The following ATXN10 variants were observed in gnomAD, a reference collection of about 807,000 sequenced individuals.
ATXN10 encodes the protein ataxin 10.
Under a neutral mutation model 52.9 loss-of-function variants are expected in ATXN10, and 28 were observed. The ratio of observed to expected loss-of-function variants is 0.53; its 90% CI spans 0.39 to 0.73. ATXN10 has a LOEUF of 0.73. Ranked by LOEUF, ATXN10 falls within the 30% of genes least tolerant of loss-of-function variation. The pLI, the probability that ATXN10 is intolerant of heterozygous loss-of-function variation, is 0.00. For missense variants in ATXN10, 565 were observed against 577.0 expected, an observed-to-expected ratio of 0.98 and a Z score of 0.21; for synonymous variants, 226 against 221.5, an observed-to-expected ratio of 1.02 and a Z score of -0.18.
chr22:45,692,592 A>G (rs6007138), intron 2 of ATXN10, among the ~76,000 whole-genome samples: 3,168 of 152,324 alleles, frequency 0.021, 104 homozygotes, highest in African/African-American at 0.072. Flanking sequence ...CAACTAGTAC[A>G]TATTTTTCTG....
chr22:45,761,204 T>C (rs1280080239), intron 9 of ATXN10, among the ~76,000 whole-genome samples: 1 of 152,178 alleles, frequency 6.6e-6, no homozygotes, highest in Non-Finnish European at 1.5e-5. Flanking sequence ...CACTGCAACC[T>C]CCACCTCCCA....
At chr22:45,804,349 G>A (rs1176856791) in intron 9 of ATXN10, among the ~76,000 whole-genome samples, 1 of 152,210 alleles carries the variant, frequency 6.6e-6, no homozygotes, top group East Asian at 1.9e-4. Context: ...TATGCCAGGT[G>A]TCTACTAAAT....
chr22:45,774,916 GGTGACAGA>G lies in ATXN10; in HGVS notation c.1174-32038_1174-32031del, dbSNP rs1432222694. The stretch of plus-strand genomic sequence containing the variant: ...GATCACGCCAGTGCACGCCAGCCTG[GGTGACAGA>G]GTGAGACTCTGTCTCAAAACAAACA... On this transcript the variant is annotated intron_variant, in intron 9 of 11. Coordinates refer to ENST00000252934, the MANE Select transcript of ATXN10 (RefSeq NM_013236.4). The surrounding 1 kb of genome is among the most constrained non-coding windows in gnomAD (Gnocchi z 6.2). Among the ~76,000 whole-genome samples, 1 of 152,018 alleles carries G rather than the reference GGTGACAGA, an allele frequency of 6.6e-6. No homozygotes were observed. Among genetic ancestry groups the G allele is most frequent in the East Asian group, 1.9e-4 (1 of 5,190 alleles).
At chr22:45,834,508 C>T (rs1316505974) in intron 10 of ATXN10, among the ~76,000 whole-genome samples, 1 of 152,148 alleles carries the variant, frequency 6.6e-6, no homozygotes, top group Non-Finnish European at 1.5e-5. Flanking sequence ...TTTATTGTCC[C>T]CAGAATGCTG....
intron 10 of ATXN10, among the ~76,000 whole-genome samples, chr22:45,827,759 TTAA>T (rs1205851908): frequency 2.6e-5 from 4 of 152,270 alleles, no homozygotes; most frequent in Admixed American, 2.0e-4. Flanking sequence ...AACAGAGGAC[TTAA>T]TAAACAAACT....
chr22:45,795,902 T>C lies in ATXN10; in HGVS notation c.1174-11057T>C, dbSNP rs567982360. 5.9e-5 allele frequency among the ~76,000 whole-genome samples: 9 copies of C among 152,356 alleles called. No individual in the cohort carries two copies. The highest frequency in any genetic ancestry group is 1.7e-4 in the African/African-American group (7 of 41,588). The stretch of plus-strand genomic sequence containing the variant: ...AGGATCCCGTGATGATCACGTTATC[T>C]GCACAAATTGTTTGTAAAGCATGTG... On this transcript the variant is annotated intron_variant, in intron 9 of 11. Coordinates refer to ENST00000252934, the MANE Select transcript of ATXN10 (RefSeq NM_013236.4). The surrounding 1 kb of genome is among the most constrained non-coding windows in gnomAD (Gnocchi z 4.6).
At position 45,750,162 on chromosome 22, in the gene ATXN10, GT is replaced by G. The variant is rs1400680853; in HGVS notation, c.1173+9625del. ...TTGTCACCCAGGCTGGAGTGCAGTG[GT>G]GTGATCACAGCTCACCGCAGTTCTG... On this transcript the variant is annotated intron_variant, in intron 9 of 11. Coordinates refer to ENST00000252934, the MANE Select transcript of ATXN10 (RefSeq NM_013236.4). The surrounding 1 kb of genome is among the most constrained non-coding windows in gnomAD (Gnocchi z 4.2). Among the ~76,000 whole-genome samples, 1 of 152,102 alleles carries G rather than the reference GT, an allele frequency of 6.6e-6. No individual in the cohort carries two copies. Among genetic ancestry groups the G allele is most frequent in the African/African-American group, 2.4e-5 (1 of 41,416 alleles).
chr22:45,703,403 A>G (rs140398983), intron 5 of ATXN10, among the ~76,000 whole-genome samples: 259 of 152,260 alleles, frequency 1.7e-3, no homozygotes, highest in African/African-American at 6.0e-3. Context: ...GGTTTCCTCA[A>G]CTTCTTGAAT....
rs990034191 is a variant in ATXN10 at position 45,818,550 on chromosome 22, C to T, written c.1237+11528C>T. The stretch of plus-strand genomic sequence containing the variant: ...AGGTTCTCAGTGTGAGCCATGTGGG[C>T]GGTCCTTTTTGGTTTGAAGGTGACC... On this transcript the variant is annotated intron_variant, in intron 10 of 11. Coordinates refer to ENST00000252934, the MANE Select transcript of ATXN10 (RefSeq NM_013236.4). This position sits in a 1 kb window ranked among gnomAD's most constrained non-coding sequence, Gnocchi z 4.6. Among the ~76,000 whole-genome samples, 6 of 152,106 alleles carry T rather than the reference C, an allele frequency of 3.9e-5. No homozygotes were observed. Among genetic ancestry groups the T allele is most frequent in the African/African-American group, 9.7e-5 (4 of 41,424 alleles).
At position 45,789,379 on chromosome 22, in the gene ATXN10, G is replaced by A. The variant is rs531332633; in HGVS notation, c.1174-17580G>A. Among the ~76,000 whole-genome samples the A allele has an allele frequency of 4.6e-5, 7 of 152,140 alleles. No individual in the cohort carries two copies. The highest frequency in any genetic ancestry group is 1.7e-4 in the African/African-American group (7 of 41,518). ...TCTCACGCGCATATATTTTTTTTCC[G>A]CAAATCATTGTTAAGTATCTCGGGA... On this transcript the variant is annotated intron_variant, in intron 9 of 11. Coordinates refer to ENST00000252934, the MANE Select transcript of ATXN10 (RefSeq NM_013236.4). The surrounding 1 kb of genome is among the most constrained non-coding windows in gnomAD (Gnocchi z 4.0).
chr22:45,768,889 T>C lies in ATXN10; in HGVS notation c.1173+28351T>C, dbSNP rs371174084. On this transcript the variant is annotated intron_variant, in intron 9 of 11. Coordinates refer to ENST00000252934, the MANE Select transcript of ATXN10 (RefSeq NM_013236.4). The stretch of plus-strand genomic sequence containing the variant: ...CTTAGGTAATATTAAGAAATTGTAA[T>C]TAATCTTTCTAGGCAAAACAATGGC... Among the ~76,000 whole-genome samples the C allele has an allele frequency of 7.2e-5, 11 of 152,334 alleles. No homozygotes were observed. The South Asian group carries it at 1.9e-3, about 26-fold the overall frequency.
intron 5 of ATXN10, among the ~76,000 whole-genome samples, chr22:45,707,345 T>C (rs1319452723): frequency 6.6e-6 from 1 of 152,150 alleles, no homozygotes; most frequent in East Asian, 1.9e-4. Context: ...ATTTTGAAAT[T>C]ATTTCTTTTT....
chr22:45,724,426 G>T lies in ATXN10; in HGVS notation c.729-4999G>T, dbSNP rs112729543. Among the ~76,000 whole-genome samples the T allele has an allele frequency of 5.0e-3, 766 of 152,144 alleles. 4 individuals carry two copies. The highest frequency in any genetic ancestry group is 0.01 in the South Asian group (50 of 4,818). ...TGCATTTCCCTGATGACTAGTGATG[G>T]TGAGCATTTTTTCATGTTTGTTGGC... On this transcript the variant is annotated intron_variant, in intron 6 of 11. Transcript: ENST00000252934.
intron 10 of ATXN10, among the ~76,000 whole-genome samples, chr22:45,808,756 G>A (rs953839291): frequency 6.6e-6 from 1 of 152,224 alleles, no homozygotes; most frequent in East Asian, 1.9e-4. Flanking sequence ...GTCACCGGGA[G>A]GAGACAGAGC....
rs1030539271 is a variant in ATXN10 at position 45,759,654 on chromosome 22, G to A, written c.1173+19116G>A. Among the ~76,000 whole-genome samples, 7 of 152,060 alleles carry A rather than the reference G, an allele frequency of 4.6e-5. No homozygotes were observed. Among genetic ancestry groups the A allele is most frequent in the Non-Finnish European group, 1.0e-4 (7 of 68,016 alleles). On this transcript the variant is annotated intron_variant, in intron 9 of 11. Coordinates refer to ENST00000252934, the MANE Select transcript of ATXN10 (RefSeq NM_013236.4). The surrounding 1 kb of genome is among the most constrained non-coding windows in gnomAD (Gnocchi z 5.4). Reference sequence around the variant, plus strand: ...CAAGGTTTCATAATGTCCTCCAGAGGCCAGTTTACCAAGCTGCATCAGCTC... The same window carrying A: ...CAAGGTTTCATAATGTCCTCCAGAGACCAGTTTACCAAGCTGCATCAGCTC...
intron 9 of ATXN10, chr22:45,792,421 T>A (rs1400520332): frequency 2.0e-5 from 3 of 152,976 alleles, no homozygotes; most frequent in Admixed American, 1.9e-4. Context: ...TAGCTTCAGA[T>A]AACTTAGAAG....
chr22:45,815,975 C>T (rs970041055), intron 10 of ATXN10, among the ~76,000 whole-genome samples: 52 of 152,114 alleles, frequency 3.4e-4, no homozygotes, highest in African/African-American at 1.1e-3. Context: ...TCTGGCCAGG[C>T]GCGGTGGCTC....
intron 8 of ATXN10, 87 bp from the exon 9 acceptor site, chr22:45,740,282 A>C (rs1189967935): frequency 1.5e-6 from 2 of 1,308,494 alleles, no homozygotes; most frequent in Admixed American, 3.4e-5. Context: ...TATTACAATA[A>C]ATTAGATTTG....
intron 6 of ATXN10, among the ~76,000 whole-genome samples, chr22:45,720,316 C>CTT (rs75983888): frequency 7.1e-6 from 1 of 140,892 alleles, no homozygotes; most frequent in Admixed American, 7.1e-5. Flanking sequence ...CTATTGTAAC[C>CTT]TTTTTTTTTT....
Sources: gnomAD v4.1 joint callset for allele counts (sites outside exome capture counted in the v4.1 genomes callset) on GRCh38, gnomAD v4.1.1 for gene constraint, Gnocchi (gnomAD v3.1) non-coding constraint, MANE v1.5 for transcripts, NCBI Gene and HGNC (gene_info 2026-07-23, HGNC 2026-07-21) for gene names.